The following RUNX1T1 variants were observed in gnomAD, a reference collection of about 807,000 sequenced individuals.
The protein encoded by RUNX1T1 is RUNX1 partner transcriptional co-repressor 1.
In RUNX1T1, 4 loss-of-function variants were observed where a neutral mutation model predicts 62.8. The observed-to-expected ratio is 0.06, with a 90% CI of 0.03 to 0.15. RUNX1T1 has a LOEUF of 0.15. Ranked by LOEUF, RUNX1T1 falls within the 10% of genes least tolerant of loss-of-function variation. The pLI, the probability that RUNX1T1 is intolerant of heterozygous loss-of-function variation, is 1.00. For missense variants in RUNX1T1, 508 were observed against 754.3 expected (o/e 0.67, Z 3.82); for synonymous variants, 291 against 286.0 (o/e 1.02, Z -0.18).
chr8:92,040,343 C>T (rs540821946), intron 1 of RUNX1T1, among the ~76,000 whole-genome samples: 2 of 152,238 alleles, frequency 1.3e-5, no homozygotes, highest in East Asian at 3.9e-4. Context: ...AGGTGTGTGT[C>T]CCGTGTGTAT....
intron 1 of RUNX1T1, chr8:92,095,112 C>T: frequency 1.3e-6 from 2 of 1,535,668 alleles, no homozygotes; most frequent in Non-Finnish European, 1.7e-6. Flanking sequence ...CCCCACACAA[C>T]AAAAGGCAGA....
At chr8:92,102,667 C>T (rs1292928399), upstream of RUNX1T1, among the ~76,000 whole-genome samples, 1 of 152,168 alleles carries the variant, frequency 6.6e-6, no homozygotes, top group African/African-American at 2.4e-5. The surrounding 1 kb of genome is among the most constrained non-coding windows in gnomAD (Gnocchi z 4.5). Context: ...CATCGCAGAC[C>T]GGAGTCACCC....
At chr8:92,074,648 T>C (rs1316109948) in intron 2 of RUNX1T1, among the ~76,000 whole-genome samples, 1 of 152,200 alleles carries the variant, frequency 6.6e-6, no homozygotes, top group African/African-American at 2.4e-5. Flanking sequence ...TTTTTCTCTA[T>C]GCAAGACTTT....
intron 6 of RUNX1T1, among the ~76,000 whole-genome samples, chr8:91,990,688 G>A (rs1048689235): frequency 3.3e-5 from 5 of 150,556 alleles, no homozygotes; most frequent in African/African-American, 9.8e-5. Context: ...CTGCCACCCA[G>A]GCTGAGGTGC....
intron 4 of RUNX1T1, among the ~76,000 whole-genome samples, chr8:92,009,078 C>G (rs1458934433): frequency 3.3e-5 from 5 of 152,078 alleles, no homozygotes; most frequent in Non-Finnish European, 7.4e-5. Flanking sequence ...CAAATTTAAA[C>G]GTATGGATGG....
intron 10 of RUNX1T1, among the ~76,000 whole-genome samples, chr8:91,968,206 T>A (rs1812036907): frequency 6.6e-6 from 1 of 152,072 alleles, no homozygotes; most frequent in Non-Finnish European, 1.5e-5. Flanking sequence ...AAGACGATCA[T>A]CTGATCAGAT....
chr8:92,095,318 C>T lies in RUNX1T1; in HGVS notation c.-86+4262G>A, dbSNP rs1463213739. 3 of 1,527,406 alleles carry T rather than the reference C, an allele frequency of 2.0e-6. No homozygotes were observed. The Admixed American group carries it at 6.0e-5, about 30-fold the overall frequency. The allele number at this position is 1,527,406 out of a possible 1,614,324, so 94.6% of individuals were successfully genotyped here. A position where few individuals can be genotyped will look rare whatever the true frequency, so the allele number is the denominator to read the frequency against. The stretch of plus-strand genomic sequence containing the variant: ...TGGCCACCCCTCCTTCCTCCCTGCT[C>T]GCCTCCCTCCCCTGTTCACGGAGAT... On this transcript the variant is annotated intron_variant, in intron 1 of 11. Transcript: ENST00000265814.
At chr8:91,984,283 T>C (rs1280458571) in intron 8 of RUNX1T1, among the ~76,000 whole-genome samples, 1 of 152,158 alleles carries the variant, frequency 6.6e-6, no homozygotes, top group Non-Finnish European at 1.5e-5. Context: ...AATCTGTGTG[T>C]AGTAGTAGTG....
chr8:92,044,498 C>T (rs1829040599), intron 1 of RUNX1T1, among the ~76,000 whole-genome samples: 1 of 152,094 alleles, frequency 6.6e-6, no homozygotes, highest in East Asian at 1.9e-4. Flanking sequence ...CAAGAGATGG[C>T]AAAAAGAGCA....
chr8:92,094,069 C>T (rs978926450), intron 1 of RUNX1T1, among the ~76,000 whole-genome samples: 1 of 152,132 alleles, frequency 6.6e-6, no homozygotes, highest in African/African-American at 2.4e-5. Context: ...CCACTCTGGC[C>T]AGTTGGTCTG....
At chr8:92,050,039 C>A (rs1829999157) in intron 1 of RUNX1T1, among the ~76,000 whole-genome samples, 1 of 151,656 alleles carries the variant, frequency 6.6e-6, no homozygotes, top group East Asian at 1.9e-4. Flanking sequence ...ATTTTCATTC[C>A]AATTAATAAG....
intron 4 of RUNX1T1, among the ~76,000 whole-genome samples, chr8:92,008,831 A>G (rs1483425830): frequency 6.6e-6 from 1 of 152,232 alleles, no homozygotes; most frequent in Non-Finnish European, 1.5e-5. Context: ...TGAAGCAAAT[A>G]TATTTTCACA....
intron 5 of RUNX1T1, among the ~76,000 whole-genome samples, chr8:92,001,754 A>G (rs1034655613): frequency 6.6e-6 from 1 of 152,250 alleles, no homozygotes; most frequent in Non-Finnish European, 1.5e-5. Context: ...GTGAGAACAC[A>G]ATACTGAAGG....
At chr8:91,965,316 G>T (rs1009107656) in intron 10 of RUNX1T1, among the ~76,000 whole-genome samples, 1 of 152,172 alleles carries the variant, frequency 6.6e-6, no homozygotes, top group Non-Finnish European at 1.5e-5. Flanking sequence ...TTACTTCCCC[G>T]TTCTTCCTTA....
chr8:91,965,361 AT>A (rs1811355660), intron 10 of RUNX1T1, among the ~76,000 whole-genome samples: 2 of 152,032 alleles, frequency 1.3e-5, no homozygotes, highest in African/African-American at 2.4e-5. Context: ...CCCTACTAAA[AT>A]TCTCTTTCTT....
chr8:92,069,407 A>AT (rs777148091), intron 2 of RUNX1T1, among the ~76,000 whole-genome samples: 4 of 151,534 alleles, frequency 2.6e-5, no homozygotes, highest in African/African-American at 9.7e-5. Context: ...ATACACAGCA[A>AT]TAAAAAAAAA....
chr8:92,077,517 C>A (rs1702038803), intron 1 of RUNX1T1, among the ~76,000 whole-genome samples: 1 of 151,964 alleles, frequency 6.6e-6, no homozygotes, highest in Non-Finnish European at 1.5e-5. Flanking sequence ...TGGAAGATGG[C>A]AATGTGAGTA....
At chr8:92,102,734 G>C, upstream of RUNX1T1, 1 of 1,046,948 alleles carries the variant, frequency 9.6e-7, no homozygotes, top group Non-Finnish European at 1.3e-6. The surrounding 1 kb of genome is among the most constrained non-coding windows in gnomAD (Gnocchi z 4.5). Context: ...GACAAGTACA[G>C]CCTGGAGCCT....
At chr8:92,052,936 G>T (rs560424230) in intron 1 of RUNX1T1, among the ~76,000 whole-genome samples, 1 of 152,264 alleles carries the variant, frequency 6.6e-6, no homozygotes, top group Non-Finnish European at 1.5e-5. Context: ...GAGCTAAACT[G>T]ACCTTCCAAG....
Sources: gnomAD v4.1 joint callset for allele counts (sites outside exome capture counted in the v4.1 genomes callset) on GRCh38, gnomAD v4.1.1 for gene constraint, Gnocchi (gnomAD v3.1) non-coding constraint, MANE v1.5 for transcripts, NCBI Gene and HGNC (gene_info 2026-07-23, HGNC 2026-07-21) for gene names.